The following DHRSX variants were observed in gnomAD, a reference collection of about 807,000 sequenced individuals.
DHRSX encodes the protein polyprenol dehydrogenase.
A neutral mutation model predicts 34.0 loss-of-function variants in DHRSX; 31 were observed. The observed-to-expected ratio is 0.91, with a 90% CI of 0.69 to 1.23. The LOEUF (loss-of-function observed/expected upper bound fraction) is 1.23, where lower values mean the gene tolerates loss of function less well. DHRSX is among the 50% of genes most tolerant of loss of function. The pLI, the probability that DHRSX is intolerant of heterozygous loss-of-function variation, is 0.00. For synonymous variants in DHRSX, 201 were observed against 183.8 expected, an observed-to-expected ratio of 1.09 and a Z score of -0.76; for missense variants, 414 against 428.1, an observed-to-expected ratio of 0.97 and a Z score of 0.29.
rs1296012878 is a variant in DHRSX, at chrX:2,408,823, A to G, written c.218-10T>C. 6.2e-7 allele frequency: 1 copy of G among 1,601,758 alleles called. No individual in the cohort carries two copies. Among genetic ancestry groups the G allele is most frequent in the East Asian group, 2.2e-5 (1 of 44,836 alleles). ...CTGTCATTATTTCCAGCTAAAAGGAAAAAGAAAAAAAAGATACGGTGACTT... is the reference window on the plus strand; with the variant it reads ...CTGTCATTATTTCCAGCTAAAAGGAGAAAGAAAAAAAAGATACGGTGACTT... On this transcript the variant is annotated splice_polypyrimidine_tract_variant and intron_variant, in intron 2 of 6. Transcript: ENST00000334651.
At chrX:2,271,066 G>C in intron 4 of DHRSX, among the ~76,000 whole-genome samples, 1 of 152,154 alleles carries the variant, frequency 6.6e-6, no homozygotes, top group African/African-American at 2.4e-5. Context: ...TGGAAACTTT[G>C]TTGTTTCACT....
At chrX:2,232,766 A>T (rs1313257408) in intron 6 of DHRSX, among the ~76,000 whole-genome samples, 1 of 151,668 alleles carries the variant, frequency 6.6e-6, no homozygotes, top group Non-Finnish European at 1.5e-5. Context: ...TAGAGACAGG[A>T]TTTCACCATG....
chrX:2,469,274 G>A (rs1277513385), intron 1 of DHRSX, among the ~76,000 whole-genome samples: 1 of 147,740 alleles, frequency 6.8e-6, no homozygotes, highest in African/African-American at 2.5e-5. Context: ...CCAAGGGACT[G>A]CCACCGTGTA....
rs748118465 is a variant in DHRSX, at chrX:2,312,716, T to TAA, written c.287-21115_287-21114dup. 8.0e-3 allele frequency among the ~76,000 whole-genome samples: 1,222 copies of TAA among 151,838 alleles called. 15 individuals carry two copies. The highest frequency in any genetic ancestry group is 0.028 in the African/African-American group (1,177 of 41,384). ...TGTACCCCAGAAGTTAAAGTATAAT[T>TAA]AAAAAAAATAAAAGAAACTCACACC... On this transcript the variant is annotated intron_variant, in intron 3 of 6. Coordinates refer to ENST00000334651, the MANE Select transcript of DHRSX (RefSeq NM_145177.3).
At chrX:2,459,514 CAT>C (rs1213912801) in intron 1 of DHRSX, among the ~76,000 whole-genome samples, 1 of 135,344 alleles carries the variant, frequency 7.4e-6, no homozygotes, top group Non-Finnish European at 1.6e-5. Flanking sequence ...CATATTGTAC[CAT>C]AGAGAGAGAG....
At chrX:2,238,859 A>G (rs2016076960) in intron 6 of DHRSX, among the ~76,000 whole-genome samples, 1 of 151,990 alleles carries the variant, frequency 6.6e-6, no homozygotes. Context: ...TGCTGGGATT[A>G]CAGGCATGAG....
intron 3 of DHRSX, among the ~76,000 whole-genome samples, chrX:2,294,783 GA>G (rs1321935700): frequency 6.9e-6 from 1 of 144,506 alleles, no homozygotes; most frequent in Non-Finnish European, 1.5e-5. Context: ...AGAGAGAGAG[GA>G]AAAAGAGAGG....
intron 6 of DHRSX, among the ~76,000 whole-genome samples, chrX:2,231,661 C>CT (rs764927677): frequency 1.2e-4 from 17 of 139,534 alleles, no homozygotes; most frequent in Admixed American, 4.9e-4. Flanking sequence ...GCCTTTTCTT[C>CT]TTTTTTTCTT....
At chrX:2,317,815 G>C (rs1210483421) in intron 3 of DHRSX, among the ~76,000 whole-genome samples, 1 of 152,128 alleles carries the variant, frequency 6.6e-6, no homozygotes, top group Non-Finnish European at 1.5e-5. Context: ...AGAAGAGGAA[G>C]ATGTCAAACA....
At chrX:2,443,118 C>T (rs2044083236) in intron 1 of DHRSX, among the ~76,000 whole-genome samples, 1 of 152,058 alleles carries the variant, frequency 6.6e-6, no homozygotes, top group Non-Finnish European at 1.5e-5. Context: ...CTGCAGCCTC[C>T]ACCTCCTGGG....
intron 2 of DHRSX, among the ~76,000 whole-genome samples, chrX:2,411,011 G>A (rs1376972312): frequency 6.6e-6 from 1 of 152,268 alleles, no homozygotes; most frequent in East Asian, 1.9e-4. Context: ...AGGCATTTCA[G>A]GGAGGTGGGT....
rs754385977 is a variant in DHRSX, at chrX:2,391,391, TG to T, written c.286+17353del. Among the ~76,000 whole-genome samples, 93 of 152,262 alleles carry T rather than the reference TG, an allele frequency of 6.1e-4. 1 individual carries two copies. In the East Asian group the frequency reaches 7.2e-3, roughly 12 times the overall value. On this transcript the variant is annotated intron_variant, in intron 3 of 6. Coordinates refer to ENST00000334651, the MANE Select transcript of DHRSX (RefSeq NM_145177.3). ...CAGGCAAAAGGGATGCCGGCAACGT[TG>T]CACCACTGGTGCAACACCAGTATGC...
At chrX:2,293,889 T>C (rs866314490) in intron 3 of DHRSX, among the ~76,000 whole-genome samples, 2 of 152,244 alleles carry the variant, frequency 1.3e-5, no homozygotes, top group South Asian at 4.1e-4. Context: ...ATCAATTTTA[T>C]GACAGACACA....
rs767389264 is a variant in DHRSX, at chrX:2,220,043, A to G, written c.*998T>C. 3.3e-5 allele frequency: 5 copies of G among 152,256 alleles called. No homozygotes were observed. The South Asian group carries it at 1.0e-3, about 32-fold the overall frequency. The allele number at this position is 152,256 out of a possible 1,614,324, so 9.4% of individuals were successfully genotyped here. ...ATTTGTTGGAGCCTTAAAACAAGAA[A>G]GATTTATTCTCTCTCCGTTCTGGGG... On this transcript the variant is annotated 3_prime_UTR_variant, in exon 7 of 7. Coordinates refer to ENST00000334651, the MANE Select transcript of DHRSX (RefSeq NM_145177.3).
rs764506388 is a variant in DHRSX, at chrX:2,425,243, A to C, written c.171T>G (p.Tyr57Ter). 1.2e-6 allele frequency: 2 copies of C among 1,613,946 alleles called. No individual in the cohort carries two copies. Among genetic ancestry groups the C allele is most frequent in the East Asian group, 2.2e-5 (1 of 44,890 alleles). Reference sequence around the variant, plus strand: ...GTCTCGCCAGATGCTTCGCTGTAGAATAGCCAATGCCATCTGTCCCTCCCG... The same window carrying C: ...GTCTCGCCAGATGCTTCGCTGTAGACTAGCCAATGCCATCTGTCCCTCCCG... Reference protein sequence around the residue: ...IVTGGTDGIGYSTAKHLARLG... With the variant: ...IVTGGTDGIG Residue 57 changes from tyrosine (Y) to a stop codon, truncating the protein, a stop_gained, in exon 2 of 7, where the codon TAT becomes TAG. Coordinates refer to ENST00000334651, the MANE Select transcript of DHRSX (RefSeq NM_145177.3). LOFTEE classifies it high-confidence loss of function.
chrX:2,267,860 T>C (rs1248697123), intron 4 of DHRSX, among the ~76,000 whole-genome samples: 2 of 151,964 alleles, frequency 1.3e-5, no homozygotes, highest in Admixed American at 6.6e-5. Flanking sequence ...GGCGGGAGGA[T>C]TGTTTGAGCC....
intron 3 of DHRSX, among the ~76,000 whole-genome samples, chrX:2,373,093 A>C (rs762616007): frequency 5.9e-5 from 9 of 152,142 alleles, no homozygotes; most frequent in Admixed American, 5.2e-4. Flanking sequence ...GACGAAAACC[A>C]TATCTTCCAC....
rs1244165102 is a variant in DHRSX, at chrX:2,474,356, G to C, written c.109+26461C>G. ...TGTACACACTGAAGATGTTCCCTAA[G>C]AATGGGGCCAAGGGACCACTGCCAT... On this transcript the variant is annotated intron_variant, in intron 1 of 6. Transcript: ENST00000334651. Among the ~76,000 whole-genome samples the C allele has an allele frequency of 2.0e-5, 3 of 152,110 alleles. No individual in the cohort carries two copies. The East Asian group carries it at 5.8e-4, about 29-fold the overall frequency.
intron 6 of DHRSX, among the ~76,000 whole-genome samples, chrX:2,242,782 C>A (rs934502607): frequency 1.4e-4 from 21 of 152,024 alleles, no homozygotes; most frequent in East Asian, 5.8e-4. Context: ...TTTAGCATAT[C>A]ATCAAGAAAT....
Sources: allele counts gnomAD v4.1 joint callset (sites outside exome capture counted in the v4.1 genomes callset), GRCh38; gene constraint gnomAD v4.1.1; transcripts MANE v1.5; gene names NCBI Gene and HGNC (gene_info 2026-07-23, HGNC 2026-07-21).